The following SLCO1C1 variants were observed in gnomAD, a reference collection of about 807,000 sequenced individuals.
SLCO1C1 encodes solute carrier organic anion transporter family member 1C1, also known as OAT-RP-5.
A neutral mutation model predicts 76.4 loss-of-function variants in SLCO1C1; 70 were observed. The ratio of observed to expected loss-of-function variants is 0.92; its 90% CI spans 0.76 to 1.12. The LOEUF is 1.12. Among genes scored for constraint, SLCO1C1 ranks in the 50% most tolerant of loss-of-function variants. The pLI, the probability that SLCO1C1 is intolerant of heterozygous loss-of-function variation, is 0.00. For synonymous variants in SLCO1C1, 306 were observed against 286.1 expected (o/e 1.07, Z -0.70); for missense variants, 912 against 823.8 (o/e 1.11, Z -1.31).
chr12:20,711,533 A>C, intron 5 of SLCO1C1, 23 bp downstream of exon 5: 1 of 1,609,360 alleles, frequency 6.2e-7, no homozygotes, highest in Non-Finnish European at 8.5e-7. Context: ...TTTTGACTTG[A>C]CTAAACAAGC....
At chr12:20,709,567 A>C (rs1565505263) in intron 4 of SLCO1C1, among the ~76,000 whole-genome samples, 1 of 152,190 alleles carries the variant, frequency 6.6e-6, no homozygotes, top group South Asian at 2.1e-4. Context: ...TTCAATGCTA[A>C]ATGTTCTCAT....
chr12:20,710,446 G>A (rs1947032155), intron 4 of SLCO1C1, among the ~76,000 whole-genome samples: 1 of 151,640 alleles, frequency 6.6e-6, no homozygotes, highest in African/African-American at 2.4e-5. Flanking sequence ...ATATTGAGAT[G>A]TTTTCTTACC....
chr12:20,743,405 C>A, intron 13 of SLCO1C1, 36 bp downstream of exon 13: 1 of 1,507,000 alleles, frequency 6.6e-7, no homozygotes, highest in Non-Finnish European at 9.2e-7. Context: ...ATGGTAGACA[C>A]CGTAAGTGTA....
intron 10 of SLCO1C1, 22 bp from the exon 11 acceptor site, chr12:20,737,085 A>G (rs1232478063): frequency 1.4e-6 from 2 of 1,473,938 alleles, no homozygotes; most frequent in African/African-American, 1.5e-5. Context: ...GTAATATTTT[A>G]TATTGTTATA....
At position 20,740,336 on chromosome 12, in the gene SLCO1C1, AG is replaced by A; in HGVS notation, c.1703del (p.Gly568ValfsTer10). 1 of 1,613,592 alleles carries A rather than the reference AG, an allele frequency of 6.2e-7. No homozygotes were observed. Among genetic ancestry groups the A allele is most frequent in the Non-Finnish European group, 8.5e-7 (1 of 1,179,796 alleles). ...TCATCACATCCTATACTTTATCCCT[AG>A]GTGGCATACCTGGATACATATTACT... ...SVITSYTLSLGGIPGYILLLR... is the reference protein window; with the variant it reads ...SVITSYTLSLXGIPGYILLLR... On this transcript the variant is annotated frameshift_variant, in exon 12 of 15. Transcript: ENST00000266509. LOFTEE classifies it high-confidence loss of function.
At chr12:20,738,053 G>C (rs938521037) in intron 11 of SLCO1C1, among the ~76,000 whole-genome samples, 1 of 152,018 alleles carries the variant, frequency 6.6e-6, no homozygotes, top group Non-Finnish European at 1.5e-5. Context: ...GCAGAGAGCA[G>C]ACAGGGAGAG....
chr12:20,744,282 A>G (rs1334529733), intron 13 of SLCO1C1, among the ~76,000 whole-genome samples: 1 of 152,118 alleles, frequency 6.6e-6, no homozygotes, highest in Non-Finnish European at 1.5e-5. Context: ...GTGTTTGGGA[A>G]TATAGATGGA....
At chr12:20,721,338 A>G (rs960317341) in intron 7 of SLCO1C1, among the ~76,000 whole-genome samples, 27 of 152,154 alleles carry the variant, frequency 1.8e-4, no homozygotes, top group Non-Finnish European at 3.2e-4. Flanking sequence ...AGTCATTTCA[A>G]CCTCCAACAA....
Position 20,737,096 on chromosome 12 carries a change from T to G in SLCO1C1, c.1383-11T>G. On this transcript the variant is annotated splice_polypyrimidine_tract_variant and intron_variant, in intron 10 of 14. Transcript: ENST00000266509. ...AGAGGTAATATTTTATATTGTTATA[T>G]TTCTTTTCAGAACCAAACCTGTCTC... 6.7e-7 allele frequency: 1 copy of G among 1,497,940 alleles called. No individual in the cohort carries two copies. Among genetic ancestry groups the G allele is most frequent in the East Asian group, 2.6e-5 (1 of 38,456 alleles). 92.8% of individuals were successfully genotyped at this position (1,497,940 alleles called of 1,614,324 possible).
rs150333885 is a variant in SLCO1C1, at chr12:20,712,368, T to C, written c.529+858T>C. Reference sequence around the variant, plus strand: ...GCAGGAATGCTGAGCTAGACTGAAGTAGAGTCTTGCCTCCTGCCTGGGCTT... The same window carrying C: ...GCAGGAATGCTGAGCTAGACTGAAGCAGAGTCTTGCCTCCTGCCTGGGCTT... On this transcript the variant is annotated intron_variant, in intron 5 of 14. Transcript: ENST00000266509. 1.3e-4 allele frequency among the ~76,000 whole-genome samples: 20 copies of C among 152,194 alleles called. No homozygotes were observed. In the East Asian group the frequency reaches 3.7e-3, roughly 28 times the overall value.
At chr12:20,749,816 T>C (rs982685457) in intron 13 of SLCO1C1, among the ~76,000 whole-genome samples, 2 of 152,204 alleles carry the variant, frequency 1.3e-5, no homozygotes, top group Admixed American at 1.3e-4. Flanking sequence ...TTTGATGAGA[T>C]GTAAAACAAT....
chr12:20,715,123 T>C lies in SLCO1C1; in HGVS notation c.530-16T>C. 1 of 1,613,628 alleles carries C rather than the reference T, an allele frequency of 6.2e-7. No individual in the cohort carries two copies. Among genetic ancestry groups the C allele is most frequent in the Non-Finnish European group, 8.5e-7 (1 of 1,179,778 alleles). ...AGTGATCTATTTTCAATCCTCTGGT[T>C]TGCCTTTCTTTCAAGAATGTGAAGT... On this transcript the variant is annotated splice_polypyrimidine_tract_variant and intron_variant, in intron 5 of 14. Coordinates refer to ENST00000266509, the MANE Select transcript of SLCO1C1 (RefSeq NM_017435.5).
intron 13 of SLCO1C1, among the ~76,000 whole-genome samples, chr12:20,745,112 C>T (rs1439347467): frequency 6.6e-6 from 1 of 152,018 alleles, no homozygotes; most frequent in East Asian, 1.9e-4. Flanking sequence ...ACAATGGAAG[C>T]ATCAACTAAA....
chr12:20,724,885 T>A (rs898578827), intron 9 of SLCO1C1, among the ~76,000 whole-genome samples: 6 of 145,560 alleles, frequency 4.1e-5, no homozygotes, highest in Non-Finnish European at 9.0e-5. Flanking sequence ...TTTCATATAC[T>A]ATGAAAATAA....
intron 5 of SLCO1C1, 23 bp from the exon 6 acceptor site, chr12:20,715,116 C>T: frequency 3.1e-6 from 5 of 1,612,726 alleles, no homozygotes; most frequent in Non-Finnish European, 4.2e-6. Flanking sequence ...ATTTTCAATC[C>T]TCTGGTTTGC....
chr12:20,726,495 T>G (rs1948006245), intron 9 of SLCO1C1, among the ~76,000 whole-genome samples: 1 of 152,136 alleles, frequency 6.6e-6, no homozygotes, highest in Non-Finnish European at 1.5e-5. Flanking sequence ...TAGCATTTTT[T>G]CTCAAGTTAA....
chr12:20,734,484 G>T (rs1373393647), intron 10 of SLCO1C1, among the ~76,000 whole-genome samples: 6 of 152,266 alleles, frequency 3.9e-5, no homozygotes, highest in African/African-American at 1.2e-4. Context: ...AGTTGTAGAG[G>T]ACTTTATAGT....
intron 9 of SLCO1C1, among the ~76,000 whole-genome samples, chr12:20,732,205 A>T (rs1434198365): frequency 1.3e-5 from 2 of 152,232 alleles, no homozygotes; most frequent in African/African-American, 4.8e-5. Flanking sequence ...CCCCTGAAGG[A>T]GAGGCAACAT....
At chr12:20,748,271 T>A (rs1392746342) in intron 13 of SLCO1C1, among the ~76,000 whole-genome samples, 1 of 152,146 alleles carries the variant, frequency 6.6e-6, no homozygotes, top group East Asian at 1.9e-4. Context: ...TACCAAAAAA[T>A]TTAAATTACA....
Sources: gnomAD v4.1 joint callset for allele counts (sites outside exome capture counted in the v4.1 genomes callset) on GRCh38, gnomAD v4.1.1 for gene constraint, MANE v1.5 for transcripts, NCBI Gene and HGNC (gene_info 2026-07-23, HGNC 2026-07-21) for gene names.